The following REV1 variants were observed in gnomAD, a reference collection of about 807,000 sequenced individuals.
The protein encoded by REV1 is REV1 DNA directed polymerase.
Under a neutral mutation model 137.4 loss-of-function variants are expected in REV1, and 42 were observed. The observed-to-expected ratio is 0.31, with a 90% confidence interval of 0.24 to 0.40. REV1 has a LOEUF of 0.40. REV1 is among the 10% of genes least tolerant of loss of function. The probability of loss-of-function intolerance (pLI) is 1.00; values close to 1 mark genes in which losing one functional copy is unlikely to be tolerated. For missense variants in REV1, 1,282 were observed against 1,490.1 expected, an observed-to-expected ratio of 0.86 and a Z score of 2.30; for synonymous variants, 524 against 519.2, an observed-to-expected ratio of 1.01 and a Z score of -0.12.
intron 4 of REV1, among the ~76,000 whole-genome samples, chr2:99,447,075 A>C (rs1682316954): frequency 6.6e-6 from 1 of 152,186 alleles, no homozygotes; most frequent in African/African-American, 2.4e-5. Context: ...CAAAGGAAGG[A>C]ATCAGTGGGA....
chr2:99,485,169 G>A (rs1334871698), intron 1 of REV1, among the ~76,000 whole-genome samples: 1 of 152,184 alleles, frequency 6.6e-6, no homozygotes, highest in Non-Finnish European at 1.5e-5. Flanking sequence ...AAGGACAAGT[G>A]AATTTAAAAT....
intron 12 of REV1, among the ~76,000 whole-genome samples, chr2:99,417,646 C>G (rs1678078761): frequency 6.6e-6 from 1 of 152,100 alleles, no homozygotes; most frequent in Non-Finnish European, 1.5e-5. Flanking sequence ...AAGAGCCAAC[C>G]CTGCTGACAC....
intron 3 of REV1, among the ~76,000 whole-genome samples, chr2:99,457,899 CCTAA>C (rs1363601862): frequency 4.0e-5 from 6 of 151,750 alleles, no homozygotes; most frequent in African/African-American, 9.7e-5. Context: ...CCAAAATATG[CCTAA>C]CTGACTGTGT....
chr2:99,402,777 T>C lies in REV1; in HGVS notation c.3408A>G (p.Ser1136=), dbSNP rs761389867. ...GCAAACTAGAAAGGCCTGGCACACCTGAAGTAGAAGCAGAGAGTTCTTCCT... is the reference window on the plus strand; with the variant it reads ...GCAAACTAGAAAGGCCTGGCACACCCGAAGTAGAAGCAGAGAGTTCTTCCT... The part of the protein sequence containing the change: ...KPLEELSAST[S]GVPGLSSLQS... Residue 1136 remains serine (S), a synonymous_variant, in exon 21 of 23, where the codon TCA becomes TCG. Transcript: ENST00000258428. The C allele has an allele frequency of 1.9e-6, 3 of 1,614,202 alleles. No individual in the cohort carries two copies. In the Admixed American group the frequency reaches 5.0e-5, roughly 27 times the overall value.
chr2:99,434,483 G>A (rs773583595), intron 7 of REV1, 35 bp from the exon 8 acceptor site: 1 of 1,416,918 alleles, frequency 7.1e-7, no homozygotes. Flanking sequence ...TCTGTATGTG[G>A]TACAGGAATG....
At chr2:99,455,893 T>C (rs1439210091) in intron 3 of REV1, among the ~76,000 whole-genome samples, 2 of 152,160 alleles carry the variant, frequency 1.3e-5, no homozygotes, top group Non-Finnish European at 2.9e-5. Context: ...CGGGCCCCCC[T>C]CCACCTGCTT....
At chr2:99,408,414 A>G (rs944090232) in intron 14 of REV1, 1 of 236,972 alleles carries the variant, frequency 4.2e-6, no homozygotes, top group Non-Finnish European at 8.0e-6. Flanking sequence ...ATTTAGAAAA[A>G]GGTAGATTTT....
intron 2 of REV1, 37 bp from the exon 3 acceptor site, chr2:99,462,659 T>TTTTTCTCCCC: frequency 6.4e-7 from 1 of 1,574,700 alleles, no homozygotes; most frequent in South Asian, 1.2e-5. Context: ...TCACAAAGGT[T>TTTTTCTCCCC]ACATTTTCTC....
At chr2:99,468,052 T>C (rs1002363380) in intron 1 of REV1, among the ~76,000 whole-genome samples, 3 of 152,006 alleles carry the variant, frequency 2.0e-5, no homozygotes, top group African/African-American at 7.2e-5. Context: ...TGGTGGCGCA[T>C]GCCTGTAATC....
chr2:99,402,206 C>A (rs1426470067), intron 22 of REV1, 38 bp downstream of exon 22: 1 of 850,592 alleles, frequency 1.2e-6, no homozygotes, highest in African/African-American at 1.7e-5. Context: ...TTGTGACATG[C>A]CATTTTTTCC....
At chr2:99,486,381 T>C (rs1033843622) in intron 1 of REV1, among the ~76,000 whole-genome samples, 1 of 151,802 alleles carries the variant, frequency 6.6e-6, no homozygotes, top group Non-Finnish European at 1.5e-5. Flanking sequence ...TACAAAAAAT[T>C]AGCCGGGCGT....
In REV1 at chr2:99,401,266, T is replaced by C. The variant is rs767710888; in HGVS notation, c.3731A>G (p.Tyr1244Cys). The C allele has an allele frequency of 5.6e-6, 9 of 1,611,460 alleles. No individual in the cohort carries two copies. Among genetic ancestry groups the C allele is most frequent in the Non-Finnish European group, 6.8e-6 (8 of 1,177,742 alleles). The stretch of plus-strand genomic sequence containing the variant: ...TTATGTAACTTTTAATGTGCTTCCA[T>C]AAGTTTGTTGTAAAACCACCTGGAC... The part of the protein sequence containing the change: ...DNVQVVLQQT[Y>C]GSTLKVT The change falls in exon 23 of 23, where the codon TAT becomes TGT. Residue 1244 changes from tyrosine (Y) to cysteine (C), a missense_variant. Physicochemically the swap from Tyr to Cys is radical, Grantham distance 194. Coordinates refer to ENST00000258428, the MANE Select transcript of REV1 (RefSeq NM_016316.4).
intron 1 of REV1, among the ~76,000 whole-genome samples, chr2:99,489,093 G>A (rs1435605825): frequency 6.6e-6 from 1 of 152,168 alleles, no homozygotes; most frequent in African/African-American, 2.4e-5. Context: ...GAAACACAGC[G>A]CGGCTCGGTG....
chr2:99,408,367 TAATGGACACTTAGGTC>T, intron 14 of REV1: 1 of 318,086 alleles, frequency 3.1e-6, no homozygotes, highest in Admixed American at 4.9e-5. Flanking sequence ...GTAAAAACCG[TAATGGACACTTAGGTC>T]AACTAAAAAT....
At chr2:99,408,192 G>T (rs1676610812) in intron 14 of REV1, 61 bp from the exon 15 acceptor site, 1 of 931,944 alleles carries the variant, frequency 1.1e-6, no homozygotes. Context: ...TAGTACTAAA[G>T]TAGTATGGAA....
chr2:99,462,622 C>A lies in REV1; in HGVS notation c.55G>T (p.Gly19Cys). 6.2e-7 allele frequency: 1 copy of A among 1,601,070 alleles called. No individual in the cohort carries two copies. Among genetic ancestry groups the A allele is most frequent in the Non-Finnish European group, 8.5e-7 (1 of 1,177,152 alleles). Residue 19 changes from glycine to cysteine, a missense_variant and splice_region_variant, in exon 3 of 23, where the codon GGT becomes TGT. By Grantham distance (159) the Gly-to-Cys change is radical. Transcript: ENST00000258428. ...RAENDGWETW[G>C]GYMAAKVQKL... ...TGGACCTTGGCAGCCATATACCCAC[C>A]CTAGAATTAAAGAAAAGGTAAACCA...
chr2:99,427,946 A>G (rs541672050), intron 9 of REV1, among the ~76,000 whole-genome samples: 16 of 152,274 alleles, frequency 1.1e-4, no homozygotes, highest in South Asian at 2.1e-4. Context: ...ATTTATATTT[A>G]CCGTGGGTAA....
chr2:99,407,080 CTTTTTTTTT>C (rs869170472), intron 15 of REV1, among the ~76,000 whole-genome samples: 12 of 60,046 alleles, frequency 2.0e-4, no homozygotes, highest in African/African-American at 4.5e-4. Flanking sequence ...TACAAAGGTT[CTTTTTTTTT>C]TTTTTTTTTT....
chr2:99,438,743 T>C lies in REV1; in HGVS notation c.1071A>G (p.Arg357=), dbSNP rs753841425. The change falls in exon 6 of 23, where the codon AGA becomes AGG. Residue 357 remains arginine, a synonymous_variant. Transcript: ENST00000258428. The part of the protein sequence containing the change: ...NFISNFYSHS[R]LHHISMWKCE... ...ACTTCCACATTGATATGTGATGCAG[T>C]CTTGAATGAGAATAGAAGTTTGAAA... The C allele has an allele frequency of 4.3e-6, 7 of 1,614,152 alleles. No individual in the cohort carries two copies. The South Asian group carries it at 6.6e-5, about 15-fold the overall frequency.
Sources: allele counts gnomAD v4.1 joint callset (sites outside exome capture counted in the v4.1 genomes callset), GRCh38; gene constraint gnomAD v4.1.1; transcripts MANE v1.5; gene names NCBI Gene and HGNC (gene_info 2026-07-23, HGNC 2026-07-21).